FOXN3: variants seen among roughly 807,000 people sequenced by gnomAD.
FOXN3 encodes forkhead box protein N3.
A neutral mutation model predicts 38.4 loss-of-function variants in FOXN3; 7 were observed. The observed-to-expected ratio is 0.18, with a 90% CI of 0.10 to 0.34. The LOEUF is 0.34. Ranked by LOEUF, FOXN3 falls within the 10% of genes least tolerant of loss-of-function variation. The pLI, the probability that FOXN3 is intolerant of heterozygous loss-of-function variation, is 1.00. For synonymous variants in FOXN3, 230 were observed against 242.2 expected (o/e 0.95, Z 0.47); for missense variants, 456 against 613.4 (o/e 0.74, Z 2.71).
At chr14:89,500,782 G>A (rs182459392) in intron 1 of FOXN3, among the ~76,000 whole-genome samples, 8 of 152,190 alleles carry the variant, frequency 5.3e-5, no homozygotes, top group Non-Finnish European at 7.3e-5. Flanking sequence ...GCAGTTTGTC[G>A]TGCAGGCATG....
In FOXN3 at chr14:89,315,545, G is replaced by A. The variant is rs562030639; in HGVS notation, c.681-34531C>T. Among the ~76,000 whole-genome samples, 362 of 152,210 alleles carry A rather than the reference G, an allele frequency of 2.4e-3. 3 individuals are homozygous for A. Among genetic ancestry groups the A allele is most frequent in the African/African-American group, 8.3e-3 (345 of 41,532 alleles). ...TCCCCGAACTCTCCTCCATGGCTTT[G>A]CTGTCCTCAGAATGTTGTCCACAGC... On this transcript the variant is annotated intron_variant, in intron 3 of 5. Coordinates refer to ENST00000557258, the MANE Select transcript of FOXN3 (RefSeq NM_005197.4).
At chr14:89,555,597 T>C (rs1256552315) in intron 1 of FOXN3, among the ~76,000 whole-genome samples, 1 of 152,196 alleles carries the variant, frequency 6.6e-6, no homozygotes, top group Admixed American at 6.5e-5. Context: ...TGTTCTTTAT[T>C]AAAGGCAATC....
intron 1 of FOXN3, among the ~76,000 whole-genome samples, chr14:89,521,775 G>A (rs1201008938): frequency 6.6e-6 from 1 of 152,068 alleles, no homozygotes. Context: ...CGAATTTACT[G>A]AGGGGTAGAA....
chr14:89,451,387 C>T (rs1279052875), intron 1 of FOXN3, among the ~76,000 whole-genome samples: 2 of 152,202 alleles, frequency 1.3e-5, no homozygotes, highest in Non-Finnish European at 2.9e-5. Flanking sequence ...ATTCCTCAAA[C>T]CAGGGCTCTA....
chr14:89,444,856 C>T (rs2139701166), intron 1 of FOXN3, among the ~76,000 whole-genome samples: 2 of 152,244 alleles, frequency 1.3e-5, no homozygotes, highest in Middle Eastern at 6.8e-3. Flanking sequence ...TGCAGTGGCT[C>T]ACGCCTATAG....
chr14:89,200,982 A>G (rs28625130), intron 4 of FOXN3, among the ~76,000 whole-genome samples: 1,576 of 152,352 alleles, frequency 0.01, 28 homozygotes, highest in African/African-American at 0.036. Flanking sequence ...CAAATGACCC[A>G]GACCAAGTTA....
At chr14:89,204,047 T>A (rs1888307214) in intron 4 of FOXN3, among the ~76,000 whole-genome samples, 1 of 125,626 alleles carries the variant, frequency 8.0e-6, no homozygotes, top group Non-Finnish European at 1.6e-5. Context: ...CCAGGCATAC[T>A]CCCTTACACA....
intron 2 of FOXN3, among the ~76,000 whole-genome samples, chr14:89,356,010 A>T (rs1337886948): frequency 6.6e-6 from 1 of 152,020 alleles, no homozygotes; most frequent in Non-Finnish European, 1.5e-5. Flanking sequence ...AGCCTGTAAC[A>T]ATTTCAGTTT....
intron 3 of FOXN3, among the ~76,000 whole-genome samples, chr14:89,303,233 C>T (rs1318079394): frequency 6.6e-6 from 1 of 152,082 alleles, no homozygotes; most frequent in Non-Finnish European, 1.5e-5. Context: ...GTTGCCCCTG[C>T]TTGGAATGTC....
rs970905724 is a variant in FOXN3, at chr14:89,323,131, A to C, written c.680+27541T>G. Among the ~76,000 whole-genome samples, 5 of 151,982 alleles carry C rather than the reference A, an allele frequency of 3.3e-5. No individual in the cohort carries two copies. The South Asian group carries it at 1.0e-3, about 32-fold the overall frequency. ...ATGACACTCCATCTCTACTAAAAAT[A>C]CAAAAAATTAGCCAGGCGTGGTGGC... is the stretch of plus-strand genomic sequence containing the variant. On this transcript the variant is annotated intron_variant, in intron 3 of 5. Transcript: ENST00000557258.
intron 4 of FOXN3, chr14:89,185,969 A>G (rs1887795805): frequency 6.6e-6 from 1 of 152,344 alleles, no homozygotes; most frequent in Admixed American, 6.5e-5. Context: ...TCCACGCTAC[A>G]TTGTCCCTCA....
chr14:89,254,901 A>G (rs895268822), intron 4 of FOXN3, among the ~76,000 whole-genome samples: 19 of 152,262 alleles, frequency 1.2e-4, no homozygotes, highest in Non-Finnish European at 2.2e-4. Flanking sequence ...CCACTCCCCC[A>G]CTAACGACGC....
At chr14:89,236,840 C>T (rs1002658316) in intron 4 of FOXN3, among the ~76,000 whole-genome samples, 15 of 152,208 alleles carry the variant, frequency 9.9e-5, no homozygotes, top group African/African-American at 3.6e-4. Context: ...CCATCTTCTG[C>T]CCACCAAGCA....
chr14:89,550,995 T>A (rs929872882), intron 1 of FOXN3, among the ~76,000 whole-genome samples: 2 of 152,212 alleles, frequency 1.3e-5, no homozygotes, highest in Admixed American at 6.5e-5. Context: ...CACACACGAA[T>A]GTTTCTGGCT....
chr14:89,269,176 G>A (rs766701397), intron 4 of FOXN3, among the ~76,000 whole-genome samples: 1 of 152,178 alleles, frequency 6.6e-6, no homozygotes, highest in Non-Finnish European at 1.5e-5. Context: ...CTGCAACTGT[G>A]TCAAATTAGC....
chr14:89,183,280 T>C (rs1436196275), intron 4 of FOXN3, among the ~76,000 whole-genome samples: 2 of 152,198 alleles, frequency 1.3e-5, no homozygotes, highest in Non-Finnish European at 2.9e-5. Flanking sequence ...AGCAACAACT[T>C]AGTCTGATAT....
At chr14:89,365,998 TC>T (rs1451897404) in intron 2 of FOXN3, among the ~76,000 whole-genome samples, 1 of 152,304 alleles carries the variant, frequency 6.6e-6, no homozygotes, top group Admixed American at 6.5e-5. Context: ...ACGACTGTAA[TC>T]CCAGCACTTT....
At chr14:89,568,154 G>C (rs775225184) in intron 1 of FOXN3, among the ~76,000 whole-genome samples, 65 of 152,040 alleles carry the variant, frequency 4.3e-4, no homozygotes, top group Admixed American at 1.7e-3. Context: ...CAGCATCTGA[G>C]GACTTTGTTT....
intron 2 of FOXN3, among the ~76,000 whole-genome samples, chr14:89,368,664 A>G (rs1890225951): frequency 6.6e-6 from 1 of 152,036 alleles, no homozygotes; most frequent in Admixed American, 6.6e-5. Context: ...ACAAAAGACA[A>G]ACCTGAACCC....
Sources: gnomAD v4.1 joint callset for allele counts (sites outside exome capture counted in the v4.1 genomes callset) on GRCh38, gnomAD v4.1.1 for gene constraint, MANE v1.5 for transcripts, NCBI Gene and HGNC (gene_info 2026-07-23, HGNC 2026-07-21) for gene names.